Variants in STXBP5L observed in about 807,000 individuals in gnomAD.
STXBP5L encodes the protein syntaxin-binding protein 5-like.
STXBP5L carries 65 observed loss-of-function variants against 144.5 expected under a neutral mutation model. The ratio of observed to expected loss-of-function variants is 0.45; its 90% confidence interval spans 0.37 to 0.55. The LOEUF (loss-of-function observed/expected upper bound fraction) is 0.55. STXBP5L is among the 20% of genes least tolerant of loss of function. The pLI, the probability that STXBP5L is intolerant of heterozygous loss-of-function variation, is 0.00. For synonymous variants in STXBP5L, 505 were observed against 469.6 expected, an observed-to-expected ratio of 1.08 and a Z score of -0.97; for missense variants, 1,298 against 1,405.5, an observed-to-expected ratio of 0.92 and a Z score of 1.22.
intron 3 of STXBP5L, among the ~76,000 whole-genome samples, chr3:120,978,254 T>C (rs1381055501): frequency 2.0e-5 from 3 of 152,208 alleles, no homozygotes; most frequent in Non-Finnish European, 2.9e-5. Context: ...CTTTTTATTC[T>C]TTTTTCTCTA....
intron 20 of STXBP5L, among the ~76,000 whole-genome samples, chr3:121,339,337 G>A (rs1182978727): frequency 2.6e-5 from 4 of 152,108 alleles, no homozygotes; most frequent in Non-Finnish European, 5.9e-5. Context: ...TATCTCAATA[G>A]ATGCAAAAAG....
intron 22 of STXBP5L, among the ~76,000 whole-genome samples, chr3:121,399,020 A>G (rs1417294575): frequency 1.3e-5 from 2 of 151,938 alleles, no homozygotes; most frequent in Non-Finnish European, 2.9e-5. Flanking sequence ...GGGTCAGGCC[A>G]CTCTTTTTCT....
intron 19 of STXBP5L, among the ~76,000 whole-genome samples, chr3:121,314,715 A>G (rs989957910): frequency 1.7e-4 from 26 of 152,300 alleles, no homozygotes; most frequent in Non-Finnish European, 2.9e-4. Context: ...AAATGGGAGA[A>G]AATTTTTGCA....
At chr3:120,957,104 C>A (rs1938118888) in intron 3 of STXBP5L, among the ~76,000 whole-genome samples, 1 of 151,842 alleles carries the variant, frequency 6.6e-6, no homozygotes, top group Non-Finnish European at 1.5e-5. Context: ...GGTACTGGCA[C>A]CCTTGTCAAA....
chr3:121,081,921 A>G (rs776176908), intron 5 of STXBP5L, among the ~76,000 whole-genome samples: 12 of 152,116 alleles, frequency 7.9e-5, no homozygotes, highest in African/African-American at 2.7e-4. Context: ...GGCTGTTCAA[A>G]TCAGACAGGC....
chr3:121,062,694 T>G (rs1331654791), intron 5 of STXBP5L, among the ~76,000 whole-genome samples: 2 of 152,094 alleles, frequency 1.3e-5, no homozygotes, highest in African/African-American at 2.4e-5. Context: ...TTCTTGGAGG[T>G]TTTGTTCATT....
intron 3 of STXBP5L, among the ~76,000 whole-genome samples, chr3:121,001,656 TA>T (rs1481578066): frequency 1.3e-5 from 2 of 152,208 alleles, no homozygotes; most frequent in African/African-American, 2.4e-5. Context: ...CATGCCTATT[TA>T]ACTCATTCTT....
intron 19 of STXBP5L, among the ~76,000 whole-genome samples, chr3:121,311,073 A>G (rs931979613): frequency 1.2e-4 from 18 of 152,250 alleles, no homozygotes; most frequent in African/African-American, 4.1e-4. Flanking sequence ...AATAAGCCAG[A>G]AATTTGGATA....
intron 20 of STXBP5L, among the ~76,000 whole-genome samples, chr3:121,352,996 G>T (rs75815478): frequency 1.3e-5 from 2 of 152,088 alleles, no homozygotes; most frequent in African/African-American, 4.8e-5. Context: ...ATTTATTTGC[G>T]TATGTTGAAC....
chr3:121,389,712 T>C (rs1224040897), intron 22 of STXBP5L, among the ~76,000 whole-genome samples: 1 of 152,226 alleles, frequency 6.6e-6, no homozygotes, highest in Non-Finnish European at 1.5e-5. Flanking sequence ...AGTTTCTTAA[T>C]CCTGAGTTCA....
intron 3 of STXBP5L, among the ~76,000 whole-genome samples, chr3:120,977,936 C>G (rs1941273849): frequency 6.6e-6 from 1 of 152,202 alleles, no homozygotes; most frequent in Admixed American, 6.5e-5. Context: ...ATGGGCTTCC[C>G]TTTGTGGGTA....
At chr3:121,241,131 A>G (rs2049652190) in intron 14 of STXBP5L, among the ~76,000 whole-genome samples, 1 of 152,178 alleles carries the variant, frequency 6.6e-6, no homozygotes, top group Admixed American at 6.5e-5. Context: ...CATCAGACCA[A>G]GTAGGACCCC....
chr3:121,000,310 A>G (rs1052334998), intron 3 of STXBP5L, among the ~76,000 whole-genome samples: 1 of 152,016 alleles, frequency 6.6e-6, no homozygotes, highest in Non-Finnish European at 1.5e-5. Context: ...ATTCTTTTAC[A>G]TTCTTTTTTC....
At chr3:121,157,179 C>T (rs2046145371) in intron 8 of STXBP5L, among the ~76,000 whole-genome samples, 1 of 152,132 alleles carries the variant, frequency 6.6e-6, no homozygotes, top group African/African-American at 2.4e-5. Flanking sequence ...AGGCCTGTTT[C>T]ACCATGTGTA....
chr3:121,387,852 T>G (rs2046464530), intron 22 of STXBP5L, among the ~76,000 whole-genome samples: 1 of 152,234 alleles, frequency 6.6e-6, no homozygotes, highest in South Asian at 2.1e-4. Context: ...TCCAGCTTTG[T>G]TCTTTTTGCT....
intron 5 of STXBP5L, among the ~76,000 whole-genome samples, chr3:121,098,085 C>A (rs2043221650): frequency 1.3e-5 from 2 of 152,074 alleles, no homozygotes; most frequent in African/African-American, 4.8e-5. Flanking sequence ...TTCTGTTCAA[C>A]CTACGGTACT....
At chr3:121,145,155 C>T (rs1260988256) in intron 7 of STXBP5L, among the ~76,000 whole-genome samples, 1 of 151,016 alleles carries the variant, frequency 6.6e-6, no homozygotes, top group Non-Finnish European at 1.5e-5. Context: ...TAGGGTAGAT[C>T]TCATGTTCAG....
At chr3:120,987,297 T>G (rs538114564) in intron 3 of STXBP5L, among the ~76,000 whole-genome samples, 1 of 152,130 alleles carries the variant, frequency 6.6e-6, no homozygotes, top group East Asian at 1.9e-4. Flanking sequence ...ATTATCAGTA[T>G]TTTTAAGTTT....
Position 121,381,349 on chromosome 3 carries a change from A to T in STXBP5L, c.2404A>T (p.Lys802Ter), listed in dbSNP as rs2046318549. The change falls in exon 22 of 27, where the codon AAA becomes TAA. Residue 802 changes from lysine to a stop codon, truncating the protein, a stop_gained. Coordinates refer to ENST00000471454, the MANE Select transcript of STXBP5L (RefSeq NM_001308330.2). LOFTEE classifies it high-confidence loss of function. ...AAGCTCTAGTATCTCCAGTATTGAC[A>T]AAGATTCTAAAGAAGCAATTACAGC... Reference protein sequence around the residue: ...SRSSSISSIDKDSKEAITALY... With the variant: ...SRSSSISSID The T allele has an allele frequency of 6.2e-7, 1 of 1,604,680 alleles. No individual in the cohort carries two copies. Among genetic ancestry groups the T allele is most frequent in the African/African-American group, 1.3e-5 (1 of 74,246 alleles).
Sources: gnomAD v4.1 joint callset for allele counts (sites outside exome capture counted in the v4.1 genomes callset) on GRCh38, gnomAD v4.1.1 for gene constraint, MANE v1.5 for transcripts, NCBI Gene and HGNC (gene_info 2026-07-23, HGNC 2026-07-21) for gene names.